The following ROBO1 variants were observed in gnomAD, a reference collection of about 807,000 sequenced individuals.
ROBO1 encodes the protein roundabout homolog 1.
A neutral mutation model predicts 195.9 loss-of-function variants in ROBO1; 149 were observed. The observed-to-expected ratio is 0.76, with a 90% confidence interval of 0.67 to 0.87. The LOEUF (loss-of-function observed/expected upper bound fraction) is 0.87, where lower values mean the gene tolerates loss of function less well. Ranked by LOEUF, ROBO1 falls within the 40% of genes least tolerant of loss-of-function variation. ROBO1 has a pLI of 0.00. For missense variants in ROBO1, 1,933 were observed against 2,068.3 expected (o/e 0.93, Z 1.27); for synonymous variants, 816 against 733.2 (o/e 1.11, Z -1.82).
intron 4 of ROBO1, among the ~76,000 whole-genome samples, chr3:78,788,805 T>C (rs2083929511): frequency 6.8e-6 from 1 of 146,568 alleles, no homozygotes; most frequent in Admixed American, 6.8e-5. Context: ...CCAAAATTTA[T>C]AAAATATCAA....
intron 2 of ROBO1, among the ~76,000 whole-genome samples, chr3:79,316,902 T>C (rs1292803443): frequency 6.6e-6 from 1 of 152,102 alleles, no homozygotes; most frequent in African/African-American, 2.4e-5. Flanking sequence ...TATTAAACAT[T>C]ATCATTGTCA....
At position 79,143,283 on chromosome 3, in the gene ROBO1, C is replaced by A. The variant is rs2080567882; in HGVS notation, c.89-17744G>T. 2.0e-5 allele frequency among the ~76,000 whole-genome samples: 3 copies of A among 152,178 alleles called. No homozygotes were observed. The Middle Eastern group carries it at 0.01, about 518-fold the overall frequency. Reference sequence around the variant, plus strand: ...CCAAATTTGCCAAAAAAATATAAATCTTCCATTGCTGGTAAAACTGCTTGC... The same window carrying A: ...CCAAATTTGCCAAAAAAATATAAATATTCCATTGCTGGTAAAACTGCTTGC... On this transcript the variant is annotated intron_variant, in intron 2 of 30. Transcript: ENST00000464233.
chr3:79,401,982 C>T (rs896386950), intron 2 of ROBO1, among the ~76,000 whole-genome samples: 2 of 151,736 alleles, frequency 1.3e-5, no homozygotes, highest in Non-Finnish European at 2.9e-5. Flanking sequence ...GCTTATGTAA[C>T]ATTGGTAACT....
chr3:79,671,776 TCA>T (rs1453634763), intron 1 of ROBO1, among the ~76,000 whole-genome samples: 1 of 151,912 alleles, frequency 6.6e-6, no homozygotes. Context: ...TTCTTGATTT[TCA>T]CAGATAAATA....
At chr3:78,799,265 C>A (rs11923155) in intron 4 of ROBO1, among the ~76,000 whole-genome samples, 1 of 151,706 alleles carries the variant, frequency 6.6e-6, no homozygotes, top group Admixed American at 6.6e-5. Flanking sequence ...TGAGTTTTGG[C>A]CTGCTTTTAT....
At chr3:79,737,702 GGTCT>G (rs1169961691) in intron 1 of ROBO1, among the ~76,000 whole-genome samples, 2 of 151,658 alleles carry the variant, frequency 1.3e-5, no homozygotes, top group African/African-American at 4.8e-5. Context: ...TTTTTGAACA[GGTCT>G]GTCAGAAAGT....
chr3:79,593,751 C>G (rs1944075850), intron 1 of ROBO1, among the ~76,000 whole-genome samples: 1 of 151,934 alleles, frequency 6.6e-6, no homozygotes, highest in Non-Finnish European at 1.5e-5. Flanking sequence ...GCTGGGACAA[C>G]AGAAGTGTAC....
intron 2 of ROBO1, among the ~76,000 whole-genome samples, chr3:79,470,141 C>A (rs538419695): frequency 1.5e-4 from 23 of 152,106 alleles, no homozygotes; most frequent in Non-Finnish European, 3.2e-4. Flanking sequence ...TTCACAATAA[C>A]ACAGACTTGG....
chr3:79,087,249 A>G (rs2079387811), intron 3 of ROBO1, among the ~76,000 whole-genome samples: 1 of 152,114 alleles, frequency 6.6e-6, no homozygotes, highest in Non-Finnish European at 1.5e-5. Context: ...CTTAATTTTA[A>G]GCATAAGCCT....
intron 2 of ROBO1, among the ~76,000 whole-genome samples, chr3:79,559,366 T>A (rs141793487): frequency 0.017 from 2,578 of 152,274 alleles, 47 homozygotes; most frequent in Middle Eastern, 0.078. Context: ...CATATTTTAA[T>A]ATAAATATTA....
chr3:78,651,127 C>T (rs1706627031), intron 19 of ROBO1, among the ~76,000 whole-genome samples: 1 of 152,066 alleles, frequency 6.6e-6, no homozygotes. Flanking sequence ...TTTTTTAAAA[C>T]TGTAAACACA....
chr3:79,760,334 G>C (rs1704628693), intron 1 of ROBO1, among the ~76,000 whole-genome samples: 1 of 142,466 alleles, frequency 7.0e-6, no homozygotes, highest in Non-Finnish European at 1.5e-5. Flanking sequence ...CATAAAGATT[G>C]GTTTCCCAAA....
chr3:79,576,827 A>G (rs1943502537), intron 2 of ROBO1, among the ~76,000 whole-genome samples: 1 of 152,198 alleles, frequency 6.6e-6, no homozygotes, highest in South Asian at 2.1e-4. Flanking sequence ...TGAATAAATC[A>G]TCTGCCCTAT....
At chr3:79,390,791 T>A (rs1053931607) in intron 2 of ROBO1, among the ~76,000 whole-genome samples, 1 of 151,866 alleles carries the variant, frequency 6.6e-6, no homozygotes, top group Non-Finnish European at 1.5e-5. Flanking sequence ...TAGTAAAAAT[T>A]GGCAGCCAAA....
chr3:79,653,828 A>C (rs1309919666), intron 1 of ROBO1, among the ~76,000 whole-genome samples: 1 of 151,992 alleles, frequency 6.6e-6, no homozygotes, highest in Admixed American at 6.6e-5. Flanking sequence ...TCATCTATAC[A>C]GTATTATCAA....
intron 2 of ROBO1, among the ~76,000 whole-genome samples, chr3:79,514,455 G>A (rs1001686031): frequency 3.3e-5 from 5 of 152,030 alleles, no homozygotes; most frequent in African/African-American, 1.2e-4. Context: ...ATTTCTTTTG[G>A]TCAATATCAT....
chr3:78,939,548 G>A (rs1239759638), intron 3 of ROBO1, among the ~76,000 whole-genome samples: 3 of 151,226 alleles, frequency 2.0e-5, no homozygotes, highest in Non-Finnish European at 4.4e-5. Flanking sequence ...AACCCGGGAG[G>A]CGGAGCTTGC....
chr3:79,602,065 G>C (rs1469767739), intron 1 of ROBO1, among the ~76,000 whole-genome samples: 1 of 151,860 alleles, frequency 6.6e-6, no homozygotes, highest in Non-Finnish European at 1.5e-5. Flanking sequence ...GATTGCTTAA[G>C]AGCAAATACC....
intron 28 of ROBO1, among the ~76,000 whole-genome samples, chr3:78,613,570 T>C (rs1271420093): frequency 6.6e-6 from 1 of 152,218 alleles, no homozygotes; most frequent in East Asian, 1.9e-4. Context: ...GTATTTAATG[T>C]AGTCTAATAT....
Sources: allele counts gnomAD v4.1 joint callset (sites outside exome capture counted in the v4.1 genomes callset), GRCh38; gene constraint gnomAD v4.1.1; transcripts MANE v1.5; gene names NCBI Gene and HGNC (gene_info 2026-07-23, HGNC 2026-07-21).